Variants in EIF2AK4 observed in about 807,000 individuals in gnomAD.
EIF2AK4 encodes eIF-2-alpha kinase GCN2.
In EIF2AK4, 139 loss-of-function variants were observed where a neutral mutation model predicts 211.1. The observed-to-expected ratio is 0.66, with a 90% CI of 0.57 to 0.76. The LOEUF (loss-of-function observed/expected upper bound fraction) is 0.76. EIF2AK4 is among the 30% of genes least tolerant of loss of function. The pLI, the probability that EIF2AK4 is intolerant of heterozygous loss-of-function variation, is 0.00. For missense variants in EIF2AK4, 1,664 were observed against 2,043.8 expected (o/e 0.81, Z 3.58); for synonymous variants, 710 against 751.3 (o/e 0.94, Z 0.90).
At chr15:40,015,434 C>A (rs1037098466) in intron 27 of EIF2AK4, among the ~76,000 whole-genome samples, 1 of 152,176 alleles carries the variant, frequency 6.6e-6, no homozygotes, top group African/African-American at 2.4e-5. Context: ...AGAGAGAGAA[C>A]TTGTGCAGGG....
At chr15:39,990,243 AT>A (rs1338692585) in intron 15 of EIF2AK4, 29 bp from the exon 16 acceptor site, 2 of 1,603,400 alleles carry the variant, frequency 1.2e-6, no homozygotes, top group Admixed American at 1.7e-5. Flanking sequence ...ATGGAAAACC[AT>A]TGTTTGTTTC....
intron 3 of EIF2AK4, 61 bp from the exon 4 acceptor site, chr15:39,949,055 C>T (rs2034268074): frequency 1.6e-5 from 26 of 1,590,368 alleles, no homozygotes; most frequent in Non-Finnish European, 2.2e-5. Context: ...TCTGTAGCCT[C>T]TCCTGTTTGG....
chr15:39,992,996 C>A (rs769500423), intron 18 of EIF2AK4, 148 bp downstream of exon 18: 66 of 701,248 alleles, frequency 9.4e-5, no homozygotes, highest in Non-Finnish European at 1.5e-4. Flanking sequence ...AGGATAGTGA[C>A]TGAAACTGGC....
At position 40,020,993 on chromosome 15, in the gene EIF2AK4, G is replaced by T. The variant is rs1442621173; in HGVS notation, c.4268G>T (p.Gly1423Val). The T allele has an allele frequency of 6.2e-7, 1 of 1,613,686 alleles. No homozygotes were observed. The highest frequency in any genetic ancestry group is 1.3e-5 in the African/African-American group (1 of 74,914). ...CTAACCCAGAAACTCTGGACAGCAGGCATCACAGCAGAAATCATGTACGAC... is the reference window on the plus strand; with the variant it reads ...CTAACCCAGAAACTCTGGACAGCAGTCATCACAGCAGAAATCATGTACGAC... ...INLTQKLWTA[G>V]ITAEIMYDWS... The change falls in exon 31 of 39, where the codon GGC becomes GTC. Residue 1423 changes from glycine to valine, a missense_variant. This residue lies in a region of EIF2AK4 where 622 missense variants were observed against 796.8 expected (regional missense o/e 0.78). Coordinates refer to ENST00000263791, the MANE Select transcript of EIF2AK4 (RefSeq NM_001013703.4).
chr15:40,022,692 G>A (rs1024653217), intron 32 of EIF2AK4, 87 bp downstream of exon 32: 74 of 1,196,636 alleles, frequency 6.2e-5, no homozygotes, highest in Non-Finnish European at 8.6e-5. Flanking sequence ...GGGCCGTGTA[G>A]GTGACTGGAA....
At chr15:39,991,790 T>G (rs2034948095) in intron 16 of EIF2AK4, 1 of 166,792 alleles carries the variant, frequency 6.0e-6, no homozygotes. Context: ...AGAATAAAAA[T>G]TGATGCAGAG....
Position 39,992,776 on chromosome 15 carries a change from A to C in EIF2AK4, c.2694A>C (p.Leu898Phe). The C allele has an allele frequency of 6.2e-7, 1 of 1,614,148 alleles. No individual in the cohort carries two copies. Among genetic ancestry groups the C allele is most frequent in the Non-Finnish European group, 8.5e-7 (1 of 1,179,990 alleles). Residue 898 changes from leucine (L) to phenylalanine (F), a missense_variant, in exon 18 of 39, where the codon TTA (leucine) becomes TTC (phenylalanine). Physicochemically the swap from Leu to Phe is conservative, Grantham distance 22. Transcript: ENST00000263791. ...DLIKSDPSGH[L>F]TGMVGTALYV... ...CTGTTTTCCTCCACACAGGTCACTT[A>C]ACTGGGATGGTTGGCACTGCTCTCT...
Position 40,008,085 on chromosome 15 carries a change from C to T in EIF2AK4, c.3466C>T (p.Leu1156Phe), listed in dbSNP as rs1166058273. 1.2e-6 allele frequency: 2 copies of T among 1,612,824 alleles called. No homozygotes were observed. Among genetic ancestry groups the T allele is most frequent in the Non-Finnish European group, 1.7e-6 (2 of 1,179,462 alleles). ...RKLDRFHPKE[L>F]LECAFDIVTS... ...GTTAGATCGATTTCATCCCAAAGAA[C>T]TTCTGGAGTGTGCATTTGATATTGT... Residue 1156 changes from leucine (L) to phenylalanine (F), a missense_variant, in exon 25 of 39, where the codon CTT (leucine) becomes TTT (phenylalanine). Leu to Phe is a conservative substitution (Grantham distance 22). Around this residue, in one of 7 missense-constraint regions of EIF2AK4, gnomAD observed 622 missense variants for 796.8 expected, o/e 0.78. Coordinates refer to ENST00000263791, the MANE Select transcript of EIF2AK4 (RefSeq NM_001013703.4).
chr15:39,958,129 G>A (rs2034416829), intron 6 of EIF2AK4, among the ~76,000 whole-genome samples: 1 of 152,206 alleles, frequency 6.6e-6, no homozygotes, highest in Non-Finnish European at 1.5e-5. Context: ...TCAGCGTGAG[G>A]CTGTATTTGT....
At position 39,961,162 on chromosome 15, in the gene EIF2AK4, A is replaced by G. The variant is rs74009009; in HGVS notation, c.744-622A>G. ...GGCTGGGTTTTAAGTGTTTTGGAGAAGTCATGGAAGGGAATGATGGGAATA... is the reference window on the plus strand; with the variant it reads ...GGCTGGGTTTTAAGTGTTTTGGAGAGGTCATGGAAGGGAATGATGGGAATA... On this transcript the variant is annotated intron_variant, in intron 6 of 38. Coordinates refer to ENST00000263791, the MANE Select transcript of EIF2AK4 (RefSeq NM_001013703.4). 6.8e-3 allele frequency among the ~76,000 whole-genome samples: 1,040 copies of G among 152,324 alleles called. 10 individuals are homozygous for G. Among genetic ancestry groups the G allele is most frequent in the African/African-American group, 0.023 (951 of 41,570 alleles).
intron 18 of EIF2AK4, among the ~76,000 whole-genome samples, chr15:39,995,695 T>G (rs1216205408): frequency 6.6e-6 from 1 of 152,144 alleles, no homozygotes; most frequent in African/African-American, 2.4e-5. Flanking sequence ...TTTATTTTTA[T>G]TTATTTTTTA....
At chr15:39,943,774 A>G (rs1270568824) in intron 3 of EIF2AK4, among the ~76,000 whole-genome samples, 1 of 151,980 alleles carries the variant, frequency 6.6e-6, no homozygotes, top group African/African-American at 2.4e-5. Flanking sequence ...GACCAGCCTG[A>G]GCAAAATGGC....
chr15:39,987,881 C>A, intron 14 of EIF2AK4, 102 bp from the exon 15 acceptor site: 1 of 1,354,688 alleles, frequency 7.4e-7, no homozygotes, highest in Non-Finnish European at 1.0e-6. Context: ...CGTTTAAAAC[C>A]CATGGTACAC....
At chr15:39,975,236 T>C (rs1005197733) in intron 11 of EIF2AK4, 5 of 51,484 alleles carry the variant, frequency 9.7e-5, no homozygotes, top group Non-Finnish European at 2.3e-4. Flanking sequence ...GGTTATGTCC[T>C]TTGCCTGAGA....
Position 40,002,801 on chromosome 15 carries a change from T to G in EIF2AK4, c.3235+13T>G. ...TTTAAAAGACATGGTATGTACGCCC[T>G]TTTTAAAAATGATATTTCTTCTCAT... On this transcript the variant is annotated intron_variant, in intron 22 of 38. Coordinates refer to ENST00000263791, the MANE Select transcript of EIF2AK4 (RefSeq NM_001013703.4). The G allele has an allele frequency of 1.1e-5, 17 of 1,612,956 alleles. No individual in the cohort carries two copies. Among genetic ancestry groups the G allele is most frequent in the Non-Finnish European group, 1.4e-5 (17 of 1,179,166 alleles).
chr15:39,987,617 G>T (rs2034883850), intron 14 of EIF2AK4, among the ~76,000 whole-genome samples: 1 of 152,100 alleles, frequency 6.6e-6, no homozygotes, highest in African/African-American at 2.4e-5. Context: ...ATATAATTAG[G>T]TTAACTAACC....
intron 16 of EIF2AK4, 187 bp from the exon 17 acceptor site, chr15:39,991,988 T>G: frequency 2.0e-6 from 1 of 499,366 alleles, no homozygotes; most frequent in Non-Finnish European, 3.5e-6. Flanking sequence ...CTTGATTTCA[T>G]TGGGTTTTCT....
rs757622670 is a variant in EIF2AK4 at position 40,001,165 on chromosome 15, A to T, written c.3100A>T (p.Ile1034Phe). The change falls in exon 21 of 39, where the codon ATC (isoleucine) becomes TTC (phenylalanine). Residue 1034 changes from isoleucine (I) to phenylalanine (F), a missense_variant. Ile to Phe is a conservative substitution (Grantham distance 21). Transcript: ENST00000263791. ...GGCCTACCGCACCATGATGGCCCAG[A>T]TCTTCTCGCAGCGCATCTCCCCTGC... The part of the protein sequence containing the change: ...GKAYRTMMAQ[I>F]FSQRISPAID... 7 of 1,614,086 alleles carry T rather than the reference A, an allele frequency of 4.3e-6. No individual in the cohort carries two copies. Among genetic ancestry groups the T allele is most frequent in the Non-Finnish European group, 5.1e-6 (6 of 1,180,014 alleles).
intron 2 of EIF2AK4, among the ~76,000 whole-genome samples, chr15:39,940,084 G>A (rs1257639543): frequency 2.0e-5 from 3 of 152,186 alleles, no homozygotes; most frequent in African/African-American, 7.2e-5. Context: ...GCACTCTGGC[G>A]AGTGTCCATT....
Sources: allele counts gnomAD v4.1 joint callset (sites outside exome capture counted in the v4.1 genomes callset), GRCh38; gene constraint gnomAD v4.1.1; regional missense constraint gnomAD v4.1.1; transcripts MANE v1.5; gene names NCBI Gene and HGNC (gene_info 2026-07-23, HGNC 2026-07-21).